Variants in PALM2AKAP2 observed in about 807,000 individuals in gnomAD.
PALM2AKAP2 encodes the protein PALM2-AKAP2 fusion protein.
A neutral mutation model predicts 71.5 loss-of-function variants in PALM2AKAP2; 37 were observed. The ratio of observed to expected loss-of-function variants is 0.52; its 90% CI spans 0.40 to 0.68. The LOEUF is 0.68. PALM2AKAP2 is among the 30% of genes least tolerant of loss of function. The pLI is 0.00. For synonymous variants in PALM2AKAP2, 468 were observed against 478.8 expected (o/e 0.98, Z 0.29); for missense variants, 1,224 against 1,191.8 (o/e 1.03, Z -0.40).
intron 1 of PALM2AKAP2, among the ~76,000 whole-genome samples, chr9:110,112,041 GACAA>G (rs1403093235): frequency 4.6e-5 from 7 of 152,012 alleles, no homozygotes; most frequent in South Asian, 2.1e-4. Flanking sequence ...CTGTATATAA[GACAA>G]ACAGTCATTC....
chr9:109,909,515 A>T (rs1216025728), intron 3 of PALM2AKAP2, among the ~76,000 whole-genome samples: 2 of 152,214 alleles, frequency 1.3e-5, no homozygotes, highest in Non-Finnish European at 2.9e-5. Context: ...GGCCAGCTAG[A>T]TGCTAGAAGC....
At chr9:109,721,050 C>T (rs756458403) in intron 1 of PALM2AKAP2, among the ~76,000 whole-genome samples, 1 of 152,176 alleles carries the variant, frequency 6.6e-6, no homozygotes, top group Admixed American at 6.5e-5. Context: ...CTGTGTCTTC[C>T]TAAAGGATTG....
At chr9:110,072,626 C>G (rs1288096724) in intron 1 of PALM2AKAP2, among the ~76,000 whole-genome samples, 2 of 152,162 alleles carry the variant, frequency 1.3e-5, no homozygotes, top group African/African-American at 4.8e-5. Context: ...TCCTTGGGTG[C>G]TGGAGTAGTG....
chr9:109,867,196 G>GTGTGTGTGTGTC (rs1829472914), intron 1 of PALM2AKAP2: 12 of 428,790 alleles, frequency 2.8e-5, no homozygotes, highest in South Asian at 2.0e-4. Flanking sequence ...GTGTGTGTGT[G>GTGTGTGTGTGTC]TGTGTGTGTC....
At chr9:109,693,412 T>G (rs1827925855) in intron 1 of PALM2AKAP2, among the ~76,000 whole-genome samples, 1 of 151,946 alleles carries the variant, frequency 6.6e-6, no homozygotes, top group Non-Finnish European at 1.5e-5. Flanking sequence ...AGAACTGTAA[T>G]TGATTTGCTT....
At chr9:109,811,364 T>A (rs1827721378) in intron 1 of PALM2AKAP2, among the ~76,000 whole-genome samples, 2 of 151,952 alleles carry the variant, frequency 1.3e-5, no homozygotes, top group African/African-American at 4.8e-5. Flanking sequence ...GAGAGGGACA[T>A]GAGGTGGGTG....
At chr9:109,864,886 A>C (rs931548923) in intron 1 of PALM2AKAP2, among the ~76,000 whole-genome samples, 1 of 152,158 alleles carries the variant, frequency 6.6e-6, no homozygotes, top group Admixed American at 6.5e-5. Context: ...TTGTCCATGC[A>C]ATAAAATCTA....
chr9:109,728,355 A>G (rs144741405), intron 1 of PALM2AKAP2, among the ~76,000 whole-genome samples: 75 of 152,350 alleles, frequency 4.9e-4, no homozygotes, highest in African/African-American at 1.8e-3. Context: ...ATAGTTAATC[A>G]ATGGTGTGAA....
intron 1 of PALM2AKAP2, among the ~76,000 whole-genome samples, chr9:109,739,327 G>A (rs1828683495): frequency 6.6e-6 from 1 of 152,192 alleles, no homozygotes; most frequent in Non-Finnish European, 1.5e-5. Context: ...AAACGGAAGT[G>A]TGGCCTCATG....
intron 6 of PALM2AKAP2, among the ~76,000 whole-genome samples, chr9:109,988,908 C>G (rs146532218): frequency 5.8e-4 from 89 of 152,286 alleles, no homozygotes; most frequent in African/African-American, 1.8e-3. Context: ...GTGAATAAGT[C>G]TCACAAGATC....
chr9:110,011,033 A>ATG (rs1279732378), intron 6 of PALM2AKAP2, among the ~76,000 whole-genome samples: 23 of 141,592 alleles, frequency 1.6e-4, no homozygotes, highest in Middle Eastern at 3.6e-3. Flanking sequence ...ATATATATAT[A>ATG]TATACTTTTG....
intron 3 of PALM2AKAP2, among the ~76,000 whole-genome samples, chr9:110,157,466 A>G (rs961166272): frequency 1.3e-5 from 2 of 152,212 alleles, no homozygotes; most frequent in Middle Eastern, 6.8e-3. Flanking sequence ...TGATGTAATC[A>G]TGGCTCATTG....
At chr9:109,679,750 C>T (rs1827702530) in intron 1 of PALM2AKAP2, among the ~76,000 whole-genome samples, 1 of 152,040 alleles carries the variant, frequency 6.6e-6, no homozygotes, top group African/African-American at 2.4e-5. Context: ...ACAAAAAAAC[C>T]AAAACTCTCC....
chr9:110,098,344 A>AT (rs1448818501), intron 1 of PALM2AKAP2, among the ~76,000 whole-genome samples: 2 of 152,184 alleles, frequency 1.3e-5, no homozygotes, highest in African/African-American at 4.8e-5. Flanking sequence ...AAAGTGCGTG[A>AT]TACTTAAAGC....
At chr9:109,941,169 T>C (rs78310078) in intron 6 of PALM2AKAP2, among the ~76,000 whole-genome samples, 2 of 144,394 alleles carry the variant, frequency 1.4e-5, no homozygotes, top group South Asian at 4.5e-4. Flanking sequence ...TTTTTTTTTT[T>C]AAAGAAACAA....
chr9:109,802,963 G>A (rs757784827), intron 1 of PALM2AKAP2, among the ~76,000 whole-genome samples: 5 of 152,190 alleles, frequency 3.3e-5, no homozygotes, highest in Admixed American at 6.5e-5. Context: ...TTTTAACACA[G>A]ATGCCAGTCT....
chr9:109,918,774 A>T (rs1053142905), intron 3 of PALM2AKAP2, among the ~76,000 whole-genome samples: 1 of 152,242 alleles, frequency 6.6e-6, no homozygotes, highest in Non-Finnish European at 1.5e-5. Context: ...CCAAGGCCAC[A>T]TGTGAACTTA....
At chr9:109,834,509 TG>T (rs1203897582) in intron 1 of PALM2AKAP2, among the ~76,000 whole-genome samples, 1 of 152,192 alleles carries the variant, frequency 6.6e-6, no homozygotes, top group Non-Finnish European at 1.5e-5. Context: ...TGAAGTTGTG[TG>T]GAGTCTGAGG....
chr9:109,969,842 A>G (rs546265159), intron 6 of PALM2AKAP2, among the ~76,000 whole-genome samples: 1 of 151,766 alleles, frequency 6.6e-6, no homozygotes, highest in East Asian at 1.9e-4. Context: ...TCTGGGAGAA[A>G]GTGCACCCCT....
Sources: gnomAD v4.1 joint callset for allele counts (sites outside exome capture counted in the v4.1 genomes callset) on GRCh38, gnomAD v4.1.1 for gene constraint, MANE v1.5 for transcripts, NCBI Gene and HGNC (gene_info 2026-07-23, HGNC 2026-07-21) for gene names.